The following NMNAT2 variants were observed in gnomAD, a reference collection of about 807,000 sequenced individuals.
NMNAT2 encodes nicotinamide/nicotinic acid mononucleotide adenylyltransferase 2.
NMNAT2 carries 11 observed loss-of-function variants against 41.6 expected under a neutral mutation model. That is an observed-to-expected ratio of 0.26 (90% CI 0.17 to 0.44). NMNAT2 has a LOEUF of 0.44. NMNAT2 is among the 20% of genes least tolerant of loss of function. The pLI is 1.00. For missense variants in NMNAT2, 288 were observed against 407.7 expected (o/e 0.71, Z 2.53); for synonymous variants, 148 against 151.2 (o/e 0.98, Z 0.16).
At chr1:183,363,376 A>C (rs1663345025) in intron 1 of NMNAT2, among the ~76,000 whole-genome samples, 1 of 152,246 alleles carries the variant, frequency 6.6e-6, no homozygotes. Flanking sequence ...CATCAAACAC[A>C]GTTTGGGGCA....
At chr1:183,261,699 C>A (rs1244428139) in intron 8 of NMNAT2, among the ~76,000 whole-genome samples, 1 of 152,138 alleles carries the variant, frequency 6.6e-6, no homozygotes, top group Non-Finnish European at 1.5e-5. Flanking sequence ...GTTCAGCAAG[C>A]ACATTTGAGC....
At chr1:183,388,678 A>C (rs948561053) in intron 1 of NMNAT2, among the ~76,000 whole-genome samples, 2 of 152,208 alleles carry the variant, frequency 1.3e-5, no homozygotes, top group African/African-American at 4.8e-5. Flanking sequence ...ATTCTACTCC[A>C]ACACTTTTAA....
In NMNAT2 at chr1:183,324,439, C is replaced by T. The variant is rs533402142; in HGVS notation, c.86-30646G>A. 2.0e-5 allele frequency among the ~76,000 whole-genome samples: 3 copies of T among 152,250 alleles called. No homozygotes were observed. The East Asian group carries it at 5.8e-4, about 29-fold the overall frequency. ...GAAGTGGGAAATTTCCCACTTGTGA[C>T]AAGTAAATCCTACCATACTATTTCC... On this transcript the variant is annotated intron_variant, in intron 1 of 10. Transcript: ENST00000287713.
intron 1 of NMNAT2, among the ~76,000 whole-genome samples, chr1:183,377,541 A>G (rs537371115): frequency 2.6e-5 from 4 of 152,220 alleles, no homozygotes; most frequent in Non-Finnish European, 5.9e-5. Context: ...ACTTTGGTGC[A>G]CTAAGGGTAA....
intron 3 of NMNAT2, among the ~76,000 whole-genome samples, chr1:183,292,448 T>G (rs924942585): frequency 2.0e-5 from 3 of 152,156 alleles, no homozygotes; most frequent in Admixed American, 6.5e-5. Context: ...CGGAAGTTAG[T>G]GGGAATGAAA....
At chr1:183,329,213 A>G (rs1009509495) in intron 1 of NMNAT2, among the ~76,000 whole-genome samples, 2 of 152,124 alleles carry the variant, frequency 1.3e-5, no homozygotes, top group African/African-American at 4.8e-5. Context: ...TATTCCTTTA[A>G]TTCAAACAAA....
At chr1:183,267,785 G>A (rs1660856943) in intron 8 of NMNAT2, among the ~76,000 whole-genome samples, 1 of 152,106 alleles carries the variant, frequency 6.6e-6, no homozygotes, top group Admixed American at 6.5e-5. Context: ...TTGCCCTTGG[G>A]GGTGGAGAGG....
At chr1:183,257,797 T>C (rs1376064610) in intron 10 of NMNAT2, among the ~76,000 whole-genome samples, 4 of 151,660 alleles carry the variant, frequency 2.6e-5, no homozygotes, top group Non-Finnish European at 1.5e-5. Context: ...TTTTTTTTTT[T>C]CAAAAAACCA....
intron 6 of NMNAT2, 129 bp downstream of exon 6, chr1:183,284,581 G>T (rs1661351728): frequency 6.3e-6 from 5 of 794,472 alleles, no homozygotes; most frequent in Non-Finnish European, 2.2e-6. Context: ...TTGTGCACAA[G>T]TACGCACACA....
intron 1 of NMNAT2, among the ~76,000 whole-genome samples, chr1:183,384,743 G>C (rs995728477): frequency 6.6e-6 from 1 of 152,222 alleles, no homozygotes; most frequent in African/African-American, 2.4e-5. Context: ...TGAGGTTAGA[G>C]GTGTTAATAT....
At chr1:183,370,092 A>G (rs1663499244) in intron 1 of NMNAT2, among the ~76,000 whole-genome samples, 1 of 151,984 alleles carries the variant, frequency 6.6e-6, no homozygotes, top group Non-Finnish European at 1.5e-5. Flanking sequence ...CACGGCTGCA[A>G]CCTGATCAGA....
intron 1 of NMNAT2, among the ~76,000 whole-genome samples, chr1:183,350,163 G>A (rs1190994063): frequency 1.3e-5 from 2 of 152,208 alleles, no homozygotes; most frequent in African/African-American, 4.8e-5. Flanking sequence ...GGGGATCACT[G>A]TAGAGGGTGG....
chr1:183,341,133 G>C (rs913665466), intron 1 of NMNAT2, among the ~76,000 whole-genome samples: 4 of 152,196 alleles, frequency 2.6e-5, no homozygotes, highest in Non-Finnish European at 4.4e-5. Flanking sequence ...GTAATAGCCA[G>C]GTTGGCTAAG....
At chr1:183,403,223 T>C (rs1022192304) in intron 1 of NMNAT2, among the ~76,000 whole-genome samples, 6 of 152,174 alleles carry the variant, frequency 3.9e-5, no homozygotes, top group Admixed American at 1.3e-4. Context: ...CATGAGCCAC[T>C]GCACCCGGCC....
At chr1:183,322,817 TC>T (rs1261325728) in intron 1 of NMNAT2, among the ~76,000 whole-genome samples, 10 of 152,186 alleles carry the variant, frequency 6.6e-5, no homozygotes, top group South Asian at 6.2e-4. Context: ...TGCTGACATC[TC>T]CCAAATTTAT....
chr1:183,283,871 G>C (rs749148066), intron 7 of NMNAT2, 124 bp downstream of exon 7: 1 of 895,528 alleles, frequency 1.1e-6, no homozygotes, highest in African/African-American at 1.6e-5. Flanking sequence ...TCCCTCTTCC[G>C]AGAGGAGACC....
At position 183,278,582 on chromosome 1, in the gene NMNAT2, A is replaced by G. The variant is rs142950201; in HGVS notation, c.622T>C (p.Cys208Arg). Residue 208 changes from cysteine to arginine, a missense_variant, in exon 8 of 11, where the codon TGC becomes CGC. By Grantham distance (180) the Cys-to-Arg change is radical. Around this residue, in one of 3 missense-constraint regions of NMNAT2, gnomAD observed 181 missense variants for 213.7 expected, o/e 0.85. Transcript: ENST00000287713. ...LCGSDLLESF[C>R]IPGLWNEADM... ...GCCTCGTTCCAGAGCCCTGGGATGC[A>G]GAAGGACTCCAGCAGGTCACTACCA... The G allele has an allele frequency of 3.7e-6, 6 of 1,613,828 alleles. No individual in the cohort carries two copies. The highest frequency in any genetic ancestry group is 5.1e-6 in the Non-Finnish European group (6 of 1,179,824).
chr1:183,328,088 G>A (rs993565367), intron 1 of NMNAT2, among the ~76,000 whole-genome samples: 2 of 152,176 alleles, frequency 1.3e-5, no homozygotes, highest in African/African-American at 2.4e-5. Flanking sequence ...GAGAATAGGG[G>A]TCATGGGAGG....
At chr1:183,361,523 TACCTGGC>T (rs1346280570) in intron 1 of NMNAT2, among the ~76,000 whole-genome samples, 3 of 152,136 alleles carry the variant, frequency 2.0e-5, no homozygotes, top group Admixed American at 1.3e-4. Flanking sequence ...ACTAGCAAAA[TACCTGGC>T]ACATTCTAGA....
Sources: gnomAD v4.1 joint callset for allele counts (sites outside exome capture counted in the v4.1 genomes callset) on GRCh38, gnomAD v4.1.1 for gene constraint, gnomAD v4.1.1 regional missense constraint, MANE v1.5 for transcripts, NCBI Gene and HGNC (gene_info 2026-07-23, HGNC 2026-07-21) for gene names.